Variants in NELL2 observed in about 807,000 individuals in gnomAD.
The protein encoded by NELL2 is protein kinase C-binding protein NELL2.
A neutral mutation model predicts 109.6 loss-of-function variants in NELL2; 41 were observed. That is an observed-to-expected ratio of 0.37 (90% CI 0.29 to 0.49). The LOEUF is 0.49. NELL2 is among the 20% of genes least tolerant of loss of function. The probability of loss-of-function intolerance (pLI) is 0.98; values close to 1 mark genes in which losing one functional copy is unlikely to be tolerated. For missense variants in NELL2, 900 were observed against 1,008.3 expected, an observed-to-expected ratio of 0.89 and a Z score of 1.45; for synonymous variants, 355 against 344.7, an observed-to-expected ratio of 1.03 and a Z score of -0.33.
intron 9 of NELL2, among the ~76,000 whole-genome samples, chr12:44,729,362 T>G (rs1292886307): frequency 6.7e-6 from 1 of 149,506 alleles, no homozygotes; most frequent in Non-Finnish European, 1.5e-5. Context: ...CAAAAGAAAA[T>G]AAGAAAAGAA....
intron 2 of NELL2, among the ~76,000 whole-genome samples, chr12:44,836,910 G>C (rs1944070959): frequency 3.3e-5 from 5 of 152,196 alleles, no homozygotes; most frequent in South Asian, 4.1e-4. Context: ...GGCGGGCATA[G>C]AGAGCATGAG....
rs191312353 is a variant in NELL2 at position 44,590,347 on chromosome 12, T to C, written c.1663+16822A>G. On this transcript the variant is annotated intron_variant, in intron 15 of 19. Coordinates refer to ENST00000429094, the MANE Select transcript of NELL2 (RefSeq NM_001145108.2). ...AGCCAATATCACCCATTAGGAGAGA[T>C]GACACATTGCATTTTGAAGTCCCTG... 6.6e-5 allele frequency among the ~76,000 whole-genome samples: 10 copies of C among 152,284 alleles called. No homozygotes were observed. In the East Asian group the frequency reaches 1.9e-3, roughly 29 times the overall value.
At position 44,630,751 on chromosome 12, in the gene NELL2, T is replaced by G. The variant is rs188795648; in HGVS notation, c.1445-19781A>C. Among the ~76,000 whole-genome samples the G allele has an allele frequency of 5.1e-3, 783 of 152,224 alleles. 7 individuals are homozygous for G. The highest frequency in any genetic ancestry group is 0.018 in the African/African-American group (732 of 41,540). ...GAAGAAATTAATTAGGAACAATAAC[T>G]GGTGGAAGTGTGAGCTAATTTTAAA... On this transcript the variant is annotated intron_variant, in intron 13 of 19. Transcript: ENST00000429094.
At chr12:44,519,227 GTTAT>G (rs1592058662) in intron 19 of NELL2, among the ~76,000 whole-genome samples, 1 of 152,068 alleles carries the variant, frequency 6.6e-6, no homozygotes, top group Non-Finnish European at 1.5e-5. Context: ...AAGCCTTCAG[GTTAT>G]TTATTTAGTT....
At chr12:44,643,670 G>T (rs1946942423) in intron 13 of NELL2, among the ~76,000 whole-genome samples, 1 of 152,084 alleles carries the variant, frequency 6.6e-6, no homozygotes, top group African/African-American at 2.4e-5. Context: ...CAACAAGAAA[G>T]CAGCAAATTT....
At chr12:44,651,980 C>G (rs1029073394) in intron 13 of NELL2, among the ~76,000 whole-genome samples, 2 of 152,046 alleles carry the variant, frequency 1.3e-5, no homozygotes, top group African/African-American at 4.8e-5. Flanking sequence ...GAAAATCTGG[C>G]TGGAAATCCA....
At chr12:44,912,072 G>C (rs537965148) in intron 1 of NELL2, among the ~76,000 whole-genome samples, 3 of 151,966 alleles carry the variant, frequency 2.0e-5, no homozygotes, top group East Asian at 3.9e-4. Flanking sequence ...CTATGTGTTG[G>C]GGGAGGGTAG....
At chr12:44,577,463 T>C (rs1424129682) in intron 15 of NELL2, among the ~76,000 whole-genome samples, 6 of 141,130 alleles carry the variant, frequency 4.3e-5, no homozygotes, top group Non-Finnish European at 7.6e-5. Context: ...GTCAGATGAG[T>C]AGTTTTTTTT....
intron 3 of NELL2, among the ~76,000 whole-genome samples, chr12:44,787,603 A>G (rs1942226169): frequency 6.6e-6 from 1 of 152,200 alleles, no homozygotes; most frequent in South Asian, 2.1e-4. Context: ...GGGCAGAGGG[A>G]TAGTCACATA....
intron 12 of NELL2, among the ~76,000 whole-genome samples, chr12:44,669,639 G>C (rs1948069123): frequency 6.7e-6 from 1 of 150,332 alleles, no homozygotes; most frequent in South Asian, 2.1e-4. Flanking sequence ...AGATCAAGGA[G>C]AAGAAGAAAG....
chr12:44,796,921 TTAA>T (rs1942643720), intron 3 of NELL2, among the ~76,000 whole-genome samples: 1 of 152,090 alleles, frequency 6.6e-6, no homozygotes, highest in African/African-American at 2.4e-5. Context: ...TTTATTATTC[TTAA>T]TGATGAGGCC....
chr12:44,708,609 G>A (rs1397543602), intron 11 of NELL2, among the ~76,000 whole-genome samples: 1 of 152,172 alleles, frequency 6.6e-6, no homozygotes, highest in Non-Finnish European at 1.5e-5. Context: ...GTTAGAAAAT[G>A]CCAGGAGAAC....
chr12:44,833,735 A>G (rs1943959482), intron 2 of NELL2, among the ~76,000 whole-genome samples: 1 of 152,188 alleles, frequency 6.6e-6, no homozygotes, highest in South Asian at 2.1e-4. Flanking sequence ...CTCGCGGTAC[A>G]GCTCTAGGTA....
At chr12:44,669,305 G>T (rs575381388) in intron 12 of NELL2, among the ~76,000 whole-genome samples, 1 of 152,060 alleles carries the variant, frequency 6.6e-6, no homozygotes, top group Non-Finnish European at 1.5e-5. Flanking sequence ...CACATGCACA[G>T]ATATCAACAT....
chr12:44,827,953 T>C (rs1943768892), intron 2 of NELL2, among the ~76,000 whole-genome samples: 1 of 152,220 alleles, frequency 6.6e-6, no homozygotes, highest in African/African-American at 2.4e-5. Flanking sequence ...TTCCCTTTTC[T>C]CTACATTCTT....
chr12:44,534,899 G>T (rs765479386), intron 15 of NELL2, among the ~76,000 whole-genome samples: 15 of 151,908 alleles, frequency 9.9e-5, no homozygotes, highest in Admixed American at 2.0e-4. Flanking sequence ...CCTTGACATA[G>T]TAATAAGGTT....
chr12:44,814,828 T>C (rs183004721), intron 3 of NELL2, among the ~76,000 whole-genome samples: 7 of 152,222 alleles, frequency 4.6e-5, no homozygotes, highest in Non-Finnish European at 7.3e-5. Flanking sequence ...CTTTAGTATT[T>C]AGTAAAGATG....
chr12:44,815,918 C>A, intron 3 of NELL2, 68 bp downstream of exon 3: 2 of 1,518,020 alleles, frequency 1.3e-6, no homozygotes, highest in Non-Finnish European at 1.8e-6. Context: ...CTTTTGTTTA[C>A]TTCTCTTTAA....
At chr12:44,876,811 C>T (rs760513652), upstream of NELL2, 48 of 1,352,888 alleles carry the variant, frequency 3.5e-5, no homozygotes, top group Non-Finnish European at 3.6e-5. Context: ...CACCAAAACA[C>T]GCTGCACTGC....
Sources: allele counts gnomAD v4.1 joint callset (sites outside exome capture counted in the v4.1 genomes callset), GRCh38; gene constraint gnomAD v4.1.1; transcripts MANE v1.5; gene names NCBI Gene and HGNC (gene_info 2026-07-23, HGNC 2026-07-21).